The following SPNS3 variants were observed in gnomAD, a reference collection of about 807,000 sequenced individuals.
SPNS3 encodes the protein SPNS lysolipid transporter 3, sphingosine-1-phosphate (putative), also known as protein spinster homolog 3.
SPNS3 carries 51 observed loss-of-function variants against 54.4 expected under a neutral mutation model. That is an observed-to-expected ratio of 0.94 (90% CI 0.75 to 1.18). The LOEUF is 1.18. SPNS3 is among the 50% of genes most tolerant of loss of function. SPNS3 has a pLI of 0.00. For synonymous variants in SPNS3, 309 were observed against 294.7 expected (o/e 1.05, Z -0.50); for missense variants, 669 against 677.4 (o/e 0.99, Z 0.14).
chr17:4,462,791 ATCC>A lies in SPNS3; in HGVS notation c.1113+9587_1113+9589del, dbSNP rs1345076966. ...CATCCATCCATCCATCCATCCATCC[ATCC>A]ATCCATCCACCAATCTATCCATCCA... is the stretch of plus-strand genomic sequence containing the variant. On this transcript the variant is annotated intron_variant, in intron 8 of 11. Transcript: ENST00000355530. Among the ~76,000 whole-genome samples, 177 of 146,458 alleles carry A rather than the reference ATCC, an allele frequency of 1.2e-3. 9 individuals carry two copies. Among genetic ancestry groups the A allele is most frequent in the African/African-American group, 4.4e-3 (171 of 38,444 alleles).
intron 8 of SPNS3, among the ~76,000 whole-genome samples, chr17:4,454,615 T>A: frequency 8.2e-6 from 1 of 121,292 alleles, no homozygotes; most frequent in Admixed American, 8.2e-5. Flanking sequence ...TAAAGCTTTT[T>A]TTTTTTTTTT....
intron 1 of SPNS3, among the ~76,000 whole-genome samples, chr17:4,439,130 C>CTT (rs375231787): frequency 3.4e-5 from 5 of 148,672 alleles, no homozygotes; most frequent in East Asian, 2.0e-4. Flanking sequence ...CTTTTTCTTT[C>CTT]TTTTTTTTTT....
At chr17:4,472,774 C>CTTTTTTTTTTTTTTTTTTTTTTTTT (rs375118697) in intron 8 of SPNS3, among the ~76,000 whole-genome samples, 1 of 50,942 alleles carries the variant, frequency 2.0e-5, no homozygotes, top group African/African-American at 8.9e-5. Flanking sequence ...GCTTGGCAGC[C>CTTTTTTTTTTTTTTTTTTTTTTTTT]TTTTTTTTTT....
At position 4,477,879 on chromosome 17, in the gene SPNS3, C is replaced by T. The variant is rs115833293; in HGVS notation, c.1114-693C>T. On this transcript the variant is annotated intron_variant, in intron 8 of 11. Coordinates refer to ENST00000355530, the MANE Select transcript of SPNS3 (RefSeq NM_182538.5). ...ACGGTAGGTGCCTTATCAGTGTATA[C>T]GGACTTTTGGGGAAAACAGAGGAGG... Among the ~76,000 whole-genome samples, 1,305 of 151,474 alleles carry T rather than the reference C, an allele frequency of 8.6e-3. 15 individuals are homozygous for T. Among genetic ancestry groups the T allele is most frequent in the African/African-American group, 0.03 (1,227 of 41,202 alleles).
chr17:4,457,042 C>G (rs1971334360), intron 8 of SPNS3, among the ~76,000 whole-genome samples: 1 of 152,114 alleles, frequency 6.6e-6, no homozygotes, highest in East Asian at 1.9e-4. Context: ...TGCCATTTGA[C>G]AGGTTGGAAA....
At chr17:4,438,183 G>C (rs1329636138) in intron 1 of SPNS3, among the ~76,000 whole-genome samples, 1 of 152,164 alleles carries the variant, frequency 6.6e-6, no homozygotes, top group Non-Finnish European at 1.5e-5. Flanking sequence ...TCTTGGTGTG[G>C]GTGTTTCTGC....
At chr17:4,460,748 C>G (rs1971477471) in intron 8 of SPNS3, among the ~76,000 whole-genome samples, 1 of 151,696 alleles carries the variant, frequency 6.6e-6, no homozygotes, top group Admixed American at 6.6e-5. Context: ...GGCTGAATTG[C>G]TGGATTTGAG....
intron 8 of SPNS3, among the ~76,000 whole-genome samples, chr17:4,473,413 A>T (rs1272432689): frequency 5.5e-5 from 6 of 108,798 alleles, no homozygotes; most frequent in African/African-American, 3.9e-5. Flanking sequence ...TTTTTTTTTT[A>T]AAGAGAGAGA....
In SPNS3 at chr17:4,437,243, G is replaced by A. The variant is rs555193917; in HGVS notation, c.200-2415G>A. Reference sequence around the variant, plus strand: ...CTGGATCACCTCTAGAGTACCATGGGGCTGAGAGGAGCCCAGGAGGAGAGA... The same window carrying A: ...CTGGATCACCTCTAGAGTACCATGGAGCTGAGAGGAGCCCAGGAGGAGAGA... On this transcript the variant is annotated intron_variant, in intron 1 of 11. Coordinates refer to ENST00000355530, the MANE Select transcript of SPNS3 (RefSeq NM_182538.5). Among the ~76,000 whole-genome samples, 3 of 152,244 alleles carry A rather than the reference G, an allele frequency of 2.0e-5. No homozygotes were observed. In the South Asian group the frequency reaches 6.2e-4, roughly 32 times the overall value.
At position 4,486,299 on chromosome 17, in the gene SPNS3, C is replaced by A; in HGVS notation, c.1251C>A (p.Asp417Glu). The A allele has an allele frequency of 6.3e-7, 1 of 1,595,672 alleles. No homozygotes were observed. ...TCACGGTGGGCCACATCCTGGGAGA[C>A]GCTGGCAGCCCCTATCTCACAGGAC... ...LQITVGHILGDAGSPYLTGLI... is the reference protein window; with the variant it reads ...LQITVGHILGEAGSPYLTGLI... The change falls in exon 10 of 12, where the codon GAC (aspartate) becomes GAA (glutamate). Residue 417 changes from aspartate to glutamate, a missense_variant. Transcript: ENST00000355530. The surrounding 1 kb of genome is among the most constrained non-coding windows in gnomAD (Gnocchi z 5.5).
rs771048344 is a variant in SPNS3 at position 4,486,374 on chromosome 17, C to T, written c.1279-38C>T. 2 of 1,596,222 alleles carry T rather than the reference C, an allele frequency of 1.3e-6. No homozygotes were observed. The highest frequency in any genetic ancestry group is 1.7e-6 in the Non-Finnish European group (2 of 1,170,554). ...GGGTGGGGAGGGTCTGGGGGCCAGG[C>T]TGGTGGGCCTGGCAGACTCATCCCT... On this transcript the variant is annotated intron_variant, in intron 10 of 11. Coordinates refer to ENST00000355530, the MANE Select transcript of SPNS3 (RefSeq NM_182538.5). This position sits in a 1 kb window ranked among gnomAD's most constrained non-coding sequence, Gnocchi z 5.5.
chr17:4,461,699 C>T (rs1245225955), intron 8 of SPNS3, among the ~76,000 whole-genome samples: 2 of 152,098 alleles, frequency 1.3e-5, no homozygotes, highest in Non-Finnish European at 2.9e-5. Flanking sequence ...AGAATTTCCT[C>T]ATAAATTCCA....
intron 1 of SPNS3, among the ~76,000 whole-genome samples, chr17:4,435,709 A>G (rs1597296303): frequency 6.6e-6 from 1 of 152,062 alleles, no homozygotes; most frequent in African/African-American, 2.4e-5. Context: ...TGCAGGCTTC[A>G]GGGCTCAACC....
rs781747775 is a variant in SPNS3 at position 4,487,855 on chromosome 17, CCTA to C, written c.1503_1505del (p.Leu502del). On this transcript the variant is annotated inframe_deletion, in exon 12 of 12. Coordinates refer to ENST00000355530, the MANE Select transcript of SPNS3 (RefSeq NM_182538.5). ...ACAGCAACGACCTGGAGAGACAAGG[CCTA>C]CTTTCGGGCGCTGGCGCCTCTACAG... The C allele has an allele frequency of 3.7e-6, 6 of 1,614,140 alleles. No individual in the cohort carries two copies. In the East Asian group the frequency reaches 1.3e-4, roughly 36 times the overall value.
chr17:4,468,294 A>G (rs1230591831), intron 8 of SPNS3, among the ~76,000 whole-genome samples: 1 of 152,158 alleles, frequency 6.6e-6, no homozygotes, highest in Non-Finnish European at 1.5e-5. Flanking sequence ...AACAAACAAA[A>G]AATAAATTAA....
At chr17:4,471,026 A>G (rs993912129) in intron 8 of SPNS3, among the ~76,000 whole-genome samples, 1 of 152,126 alleles carries the variant, frequency 6.6e-6, no homozygotes, top group African/African-American at 2.4e-5. Context: ...CCGGGTTCAA[A>G]CAATTCTCCT....
intron 1 of SPNS3, among the ~76,000 whole-genome samples, chr17:4,436,249 C>T (rs1436910752): frequency 2.0e-5 from 3 of 152,164 alleles, no homozygotes; most frequent in African/African-American, 7.2e-5. Flanking sequence ...GGGCATCGAT[C>T]TGTCAGTTAC....
chr17:4,458,097 C>A (rs569741688), intron 8 of SPNS3, among the ~76,000 whole-genome samples: 1 of 152,050 alleles, frequency 6.6e-6, no homozygotes, highest in South Asian at 2.1e-4. Context: ...TCCTTCCCAA[C>A]AACTGTCAGT....
chr17:4,455,656 A>G (rs1444639244), intron 8 of SPNS3, among the ~76,000 whole-genome samples: 2 of 148,508 alleles, frequency 1.3e-5, no homozygotes, highest in Non-Finnish European at 3.0e-5. Flanking sequence ...TCGGGAAGGG[A>G]GGCCTCCCCC....
Sources: gnomAD v4.1 joint callset for allele counts (sites outside exome capture counted in the v4.1 genomes callset) on GRCh38, gnomAD v4.1.1 for gene constraint, Gnocchi (gnomAD v3.1) non-coding constraint, MANE v1.5 for transcripts, NCBI Gene and HGNC (gene_info 2026-07-23, HGNC 2026-07-21) for gene names.